The following SLC22A25 variants were observed in gnomAD, a reference collection of about 807,000 sequenced individuals.
SLC22A25 encodes solute carrier family 22 member 25.
SLC22A25 carries 44 observed loss-of-function variants against 45.9 expected under a neutral mutation model. That is an observed-to-expected ratio of 0.96 (90% CI 0.75 to 1.23). The LOEUF (loss-of-function observed/expected upper bound fraction) is 1.23, where lower values mean the gene tolerates loss of function less well. SLC22A25 is among the 50% of genes most tolerant of loss of function. The pLI is 0.00. For synonymous variants in SLC22A25, 283 were observed against 238.6 expected (o/e 1.19, Z -1.72); for missense variants, 800 against 666.4 (o/e 1.20, Z -2.21).
intron 9 of SLC22A25, among the ~76,000 whole-genome samples, chr11:63,173,949 C>T (rs995159948): frequency 2.7e-4 from 40 of 148,592 alleles, no homozygotes; most frequent in Non-Finnish European, 2.7e-4. Context: ...ATGTGCAGAA[C>T]GTGCCTTTTT....
At chr11:63,191,728 G>C (rs746030453) in intron 7 of SLC22A25, among the ~76,000 whole-genome samples, 1 of 152,066 alleles carries the variant, frequency 6.6e-6, no homozygotes, top group Non-Finnish European at 1.5e-5. Context: ...AATAAACTAA[G>C]AAGAAGAAAT....
chr11:63,180,560 C>T (rs750010730), intron 9 of SLC22A25, 100 bp downstream of exon 9: 1 of 789,608 alleles, frequency 1.3e-6, no homozygotes, highest in South Asian at 2.1e-5. Flanking sequence ...CATCTTTTAT[C>T]CCCCAAATAT....
chr11:63,211,557 C>T (rs72924417), intron 7 of SLC22A25, among the ~76,000 whole-genome samples: 19,888 of 151,954 alleles, frequency 0.13, 1,427 homozygotes, highest in East Asian at 0.17. Context: ...ACAAGGCTGC[C>T]GCAAGGGTTT....
chr11:63,220,848 G>T (rs2089837131), intron 5 of SLC22A25, among the ~76,000 whole-genome samples: 1 of 151,982 alleles, frequency 6.6e-6, no homozygotes, highest in Non-Finnish European at 1.5e-5. Flanking sequence ...TTAGTTTTTA[G>T]ATCTACAGAT....
At chr11:63,209,986 C>A (rs1027213945) in intron 7 of SLC22A25, among the ~76,000 whole-genome samples, 1 of 152,006 alleles carries the variant, frequency 6.6e-6, no homozygotes, top group Non-Finnish European at 1.5e-5. Context: ...AAGGCACTCC[C>A]AAATGGGAAA....
At chr11:63,199,339 C>T (rs996607643) in intron 7 of SLC22A25, among the ~76,000 whole-genome samples, 15 of 152,042 alleles carry the variant, frequency 9.9e-5, no homozygotes, top group Admixed American at 9.8e-4. Context: ...TAAACCCTCC[C>T]AAGACTGAAC....
rs1267495216 is a variant in SLC22A25, at chr11:63,158,910, C to T, written c.*4914G>A. ...CCCACTTCCCCTGAAGCACCCAATA[C>T]CCTTCTCAGCCTCTGGTAATCATCC... On this transcript the variant is annotated 3_prime_UTR_variant, in exon 12 of 12. Coordinates refer to ENST00000306494, the MANE Select transcript of SLC22A25 (RefSeq NM_199352.6). 6.6e-6 allele frequency among the ~76,000 whole-genome samples: 1 copy of T among 152,170 alleles called. No individual in the cohort carries two copies. Among genetic ancestry groups the T allele is most frequent in the African/African-American group, 2.4e-5 (1 of 41,426 alleles).
chr11:63,237,259 G>T (rs1282838969), intron 3 of SLC22A25, among the ~76,000 whole-genome samples: 2 of 152,104 alleles, frequency 1.3e-5, no homozygotes, highest in Non-Finnish European at 2.9e-5. Context: ...CTCACTGCCT[G>T]GGTATAATAT....
At chr11:63,164,362 A>T (rs1041973097) in intron 11 of SLC22A25, among the ~76,000 whole-genome samples, 164 bp downstream of exon 11, 1 of 152,256 alleles carries the variant, frequency 6.6e-6, no homozygotes, top group Non-Finnish European at 1.5e-5. Flanking sequence ...CGTCTGGAAC[A>T]AAGTCAGCTT....
chr11:63,221,063 G>A (rs961116230), intron 5 of SLC22A25, among the ~76,000 whole-genome samples: 2 of 152,070 alleles, frequency 1.3e-5, no homozygotes, highest in Non-Finnish European at 2.9e-5. Flanking sequence ...CTTGGCTATT[G>A]TGAATAGTGC....
intron 7 of SLC22A25, among the ~76,000 whole-genome samples, chr11:63,195,236 G>T (rs1292922719): frequency 6.6e-6 from 1 of 152,122 alleles, no homozygotes; most frequent in Non-Finnish European, 1.5e-5. Flanking sequence ...ACTAAACTCA[G>T]CTCTGCACCA....
At chr11:63,164,446 G>A in intron 11 of SLC22A25, 80 bp downstream of exon 11, 1 of 1,233,538 alleles carries the variant, frequency 8.1e-7, no homozygotes, top group Non-Finnish European at 1.2e-6. Context: ...ACTTGTCTTG[G>A]ATTTTTTTCC....
chr11:63,241,550 T>C (rs1323739081), intron 1 of SLC22A25, among the ~76,000 whole-genome samples: 2 of 152,294 alleles, frequency 1.3e-5, no homozygotes, highest in Non-Finnish European at 2.9e-5. Flanking sequence ...GAGCTCCTAG[T>C]CTCTGTATTC....
At chr11:63,218,819 A>G (rs2089784407) in intron 5 of SLC22A25, among the ~76,000 whole-genome samples, 2 of 152,224 alleles carry the variant, frequency 1.3e-5, no homozygotes, top group African/African-American at 4.8e-5. Context: ...ACAATGTGGC[A>G]TGTGGTGAGG....
intron 7 of SLC22A25, among the ~76,000 whole-genome samples, chr11:63,214,691 C>T (rs1180124996): frequency 1.3e-5 from 2 of 152,124 alleles, no homozygotes; most frequent in African/African-American, 4.8e-5. Flanking sequence ...GAATAACTGT[C>T]TTTGTTTCTC....
At chr11:63,225,280 T>C (rs1590903284) in intron 5 of SLC22A25, among the ~76,000 whole-genome samples, 2 of 151,780 alleles carry the variant, frequency 1.3e-5, no homozygotes, top group Non-Finnish European at 2.9e-5. Flanking sequence ...TACTTTCAGA[T>C]TGAATAATTT....
At chr11:63,238,104 T>C (rs183482963) in intron 2 of SLC22A25, 92 bp from the exon 3 acceptor site, 75 of 152,326 alleles carry the variant, frequency 4.9e-4, no homozygotes, top group African/African-American at 1.7e-3. Flanking sequence ...ATGACCTGAA[T>C]GTTTCATTAC....
Position 63,163,775 on chromosome 11 carries a change from T to G in SLC22A25, c.*49A>C. 1 of 1,562,074 alleles carries G rather than the reference T, an allele frequency of 6.4e-7. No homozygotes were observed. Among genetic ancestry groups the G allele is most frequent in the Non-Finnish European group, 8.6e-7 (1 of 1,156,680 alleles). On this transcript the variant is annotated 3_prime_UTR_variant, in exon 12 of 12. Coordinates refer to ENST00000306494, the MANE Select transcript of SLC22A25 (RefSeq NM_199352.6). ...TGGGAATAGCCCAGATCTAAGCCTT[T>G]TTGGGGGATGGTAGCCCTAAATGGT...
rs373666065 is a variant in SLC22A25, at chr11:63,234,543, C to G, written c.-445+3338G>C. ...AGCCTATGTGTGTCTCTGCAAGTGA[C>G]ATGGGTTTCCTGAATACAGCACACT... On this transcript the variant is annotated intron_variant, in intron 3 of 11. Coordinates refer to ENST00000306494, the MANE Select transcript of SLC22A25 (RefSeq NM_199352.6). Among the ~76,000 whole-genome samples the G allele has an allele frequency of 4.4e-4, 67 of 152,234 alleles. 3 individuals carry two copies. Among genetic ancestry groups the G allele is most frequent in the East Asian group, 2.3e-3 (12 of 5,176 alleles).
Sources: allele counts gnomAD v4.1 joint callset (sites outside exome capture counted in the v4.1 genomes callset), GRCh38; gene constraint gnomAD v4.1.1; transcripts MANE v1.5; gene names NCBI Gene and HGNC (gene_info 2026-07-23, HGNC 2026-07-21).